Variants in PLD4 observed in about 807,000 individuals in gnomAD.
PLD4 encodes phospholipase D family member 4.
In PLD4, 54 loss-of-function variants were observed where a neutral mutation model predicts 52.3. The ratio of observed to expected loss-of-function variants is 1.03; its 90% CI spans 0.83 to 1.30. PLD4 has a LOEUF of 1.30. Among genes scored for constraint, PLD4 ranks in the 50% most tolerant of loss-of-function variants. The probability of loss-of-function intolerance (pLI) is 0.00; values close to 1 mark genes in which losing one functional copy is unlikely to be tolerated. For missense variants in PLD4, 731 were observed against 671.1 expected, an observed-to-expected ratio of 1.09 and a Z score of -0.99; for synonymous variants, 264 against 286.5, an observed-to-expected ratio of 0.92 and a Z score of 0.79.
downstream of PLD4, chr14:104,937,771 C>A: frequency 8.1e-6 from 3 of 368,336 alleles, no homozygotes; most frequent in Non-Finnish European, 1.5e-5. Flanking sequence ...TAATAAAGAC[C>A]AACAAACTTC....
At position 104,930,943 on chromosome 14, in the gene PLD4, G is replaced by A; in HGVS notation, c.918+1G>A. 5 of 1,612,612 alleles carry A rather than the reference G, an allele frequency of 3.1e-6. No homozygotes were observed. In the East Asian group the frequency reaches 6.7e-5, roughly 22 times the overall value. ...GGTGCCCACCACTGCCTACTTCTCA[G>A]TAAGACGGGTTGAGAAGGAGCCCAT... On this transcript the variant is annotated splice_donor_variant, in intron 7 of 10. Transcript: ENST00000392593. LOFTEE classifies it high-confidence loss of function.
In PLD4 at chr14:104,932,783, A is replaced by G. The variant is rs1486663665; in HGVS notation, c.1340A>G (p.Glu447Gly). The G allele has an allele frequency of 6.3e-7, 1 of 1,589,060 alleles. No individual in the cohort carries two copies. Among genetic ancestry groups the G allele is most frequent in the African/African-American group, 1.3e-5 (1 of 74,376 alleles). The change falls in exon 11 of 11, where the codon GAG (glutamate) becomes GGG (glycine). Residue 447 changes from glutamate (E) to glycine (G), a missense_variant. Physicochemically the swap from Glu to Gly is moderately conservative, Grantham distance 98. Transcript: ENST00000392593. This position sits in a 1 kb window ranked among gnomAD's most constrained non-coding sequence, Gnocchi z 6.5. ...CCCGCAGGCACCTCCAACTGGTCGGAGGATTACTTCAGCAGCACGGCGGGG... is the reference window on the plus strand; with the variant it reads ...CCCGCAGGCACCTCCAACTGGTCGGGGGATTACTTCAGCAGCACGGCGGGG... ...AAYIGTSNWS[E>G]DYFSSTAGVG...
downstream of PLD4, chr14:104,933,355 A>G (rs956443982): frequency 5.9e-6 from 1 of 169,010 alleles, no homozygotes; most frequent in African/African-American, 2.4e-5. Flanking sequence ...CGCCTCAGCT[A>G]GCCCCGGGTC....
chr14:104,930,995 G>C, intron 7 of PLD4, 53 bp downstream of exon 7: 1 of 1,585,032 alleles, frequency 6.3e-7, no homozygotes, highest in Middle Eastern at 1.7e-4. Context: ...CCCCTGGCTG[G>C]CCAGACCCAC....
chr14:104,928,696 G>C (rs1897536067), intron 3 of PLD4, 53 bp from the exon 4 acceptor site: 3 of 1,488,772 alleles, frequency 2.0e-6, no homozygotes, highest in Non-Finnish European at 1.8e-6. Flanking sequence ...GTGATGTGAG[G>C]TGGGCTGGGG....
At chr14:104,930,256 T>G in intron 6 of PLD4, 151 bp downstream of exon 6, 1 of 1,065,384 alleles carries the variant, frequency 9.4e-7, no homozygotes, top group Non-Finnish European at 1.3e-6. Context: ...GAGACTGGTC[T>G]AATAAATGAT....
In PLD4 at chr14:104,929,328, C is replaced by A. The variant is rs372532453; in HGVS notation, c.490C>A (p.Leu164Met). 1.8e-4 allele frequency: 285 copies of A among 1,578,338 alleles called. No individual in the cohort carries two copies. The highest frequency in any genetic ancestry group is 2.4e-4 in the Non-Finnish European group (278 of 1,162,572). The change falls in exon 5 of 11, where the codon CTG becomes ATG. Residue 164 changes from leucine (L) to methionine (M), a missense_variant. Transcript: ENST00000392593. Reference protein sequence around the residue: ...SQLGEALLQKLQQLLGRNISL... With the variant: ...SQLGEALLQKMQQLLGRNISL... ...GCAGGGAGAGGCTCTTCTGCAGAAGCTGCAGCAGCTGCTGGGCAGGAACAT... is the reference window on the plus strand; with the variant it reads ...GCAGGGAGAGGCTCTTCTGCAGAAGATGCAGCAGCTGCTGGGCAGGAACAT...
At chr14:104,929,275 G>C in intron 4 of PLD4, 32 bp from the exon 5 acceptor site, 1 of 1,581,868 alleles carries the variant, frequency 6.3e-7, no homozygotes, top group Admixed American at 1.8e-5. Flanking sequence ...GGCAGCCTGA[G>C]GTCAGCTCTC....
chr14:104,933,462 G>A (rs1897726560), downstream of PLD4: 1 of 152,718 alleles, frequency 6.5e-6, no homozygotes, highest in Non-Finnish European at 1.5e-5. Flanking sequence ...GCCGCGCTCC[G>A]GAACCCAAAT....
Position 104,932,964 on chromosome 14 carries a change from A to AG in PLD4, c.*6dup. ...GCCAGGACTGCGTTTGGCAGGGCTG[A>AG]GGGGGGCCTCTTTTTCTCTCGGCGA... On this transcript the variant is annotated 3_prime_UTR_variant, in exon 11 of 11. Coordinates refer to ENST00000392593, the MANE Select transcript of PLD4 (RefSeq NM_138790.5). The surrounding 1 kb of genome is among the most constrained non-coding windows in gnomAD (Gnocchi z 6.5). 3.8e-6 allele frequency: 6 copies of AG among 1,577,534 alleles called. No individual in the cohort carries two copies. Among genetic ancestry groups the AG allele is most frequent in the East Asian group, 4.6e-5 (2 of 43,286 alleles).
At chr14:104,926,193 G>A (rs1897449891) in intron 1 of PLD4, among the ~76,000 whole-genome samples, 1 of 152,106 alleles carries the variant, frequency 6.6e-6, no homozygotes, top group Non-Finnish European at 1.5e-5. Context: ...AAACCTCGGA[G>A]ACATCCCCAT....
rs777744391 is a variant in PLD4, at chr14:104,927,230, G to A, written c.90G>A (p.Thr30=). 46 of 1,542,770 alleles carry A rather than the reference G, an allele frequency of 3.0e-5. No homozygotes were observed. Among genetic ancestry groups the A allele is most frequent in the South Asian group, 2.2e-4 (18 of 83,440 alleles). The part of the protein sequence containing the change: ...PRRPWDREAG[T]LQVLGALAVL... ...GCCCGTGGGACAGAGAGGCTGGCAC[G>A]GTAGGACTGGGGGGCCCCAGGGGGG... The change falls in exon 2 of 11, where the codon ACG becomes ACA. Residue 30 remains threonine (T), a splice_region_variant and synonymous_variant. Transcript: ENST00000392593.
chr14:104,930,862 CAG>C lies in PLD4; in HGVS notation c.840_841del (p.Asn281LeufsTer16). 1.2e-6 allele frequency: 2 copies of C among 1,613,620 alleles called. No homozygotes were observed. The highest frequency in any genetic ancestry group is 8.5e-7 in the Non-Finnish European group (1 of 1,180,036). ...PKAVLPKTWP[Q>X]NFSSHFNRFQ... is the part of the protein sequence containing the mutation. ...GGCTGTCCTCCCCAAAACCTGGCCTCAGAACTTCTCATCTCACTTCAACCGTT... is the reference window on the plus strand; with the variant it reads ...GGCTGTCCTCCCCAAAACCTGGCCTCAACTTCTCATCTCACTTCAACCGTT... On this transcript the variant is annotated frameshift_variant, in exon 7 of 11. Transcript: ENST00000392593. LOFTEE classifies it high-confidence loss of function.
intron 4 of PLD4, 42 bp from the exon 5 acceptor site, chr14:104,929,265 G>A: frequency 6.3e-7 from 1 of 1,577,564 alleles, no homozygotes; most frequent in Non-Finnish European, 8.6e-7. Context: ...CGGAGGAGAG[G>A]GCAGCCTGAG....
rs748324712 is a variant in PLD4 at position 104,928,774 on chromosome 14, C to T, written c.310C>T (p.Gln104Ter). 1.2e-6 allele frequency: 2 copies of T among 1,601,614 alleles called. No individual in the cohort carries two copies. The highest frequency in any genetic ancestry group is 8.5e-7 in the Non-Finnish European group (1 of 1,172,184). ...CQLVLVESIPQDLPSAAGSPS... is the reference protein window; with the variant it reads ...CQLVLVESIP ...GCTTGTCCTTGTGGAAAGCATCCCCCAGGACCTGCCATCTGCAGCCGGCAG... is the reference window on the plus strand; with the variant it reads ...GCTTGTCCTTGTGGAAAGCATCCCCTAGGACCTGCCATCTGCAGCCGGCAG... Residue 104 changes from glutamine to a stop codon, truncating the protein, a stop_gained, in exon 4 of 11, where the codon CAG becomes TAG. Transcript: ENST00000392593. LOFTEE classifies it high-confidence loss of function.
In PLD4 at chr14:104,930,823, C is replaced by T. The variant is rs754245467; in HGVS notation, c.799C>T (p.Leu267=). ...LEKTFQTYWV[L]GVPKAVLPKT... ...GAAGACCTTCCAGACCTACTGGGTA[C>T]TGGGGGTGCCCAAGGCTGTCCTCCC... The change falls in exon 7 of 11, where the codon CTG becomes TTG. Residue 267 remains leucine, a synonymous_variant. Transcript: ENST00000392593. 2.3e-5 allele frequency: 37 copies of T among 1,613,452 alleles called. No individual in the cohort carries two copies. Among genetic ancestry groups the T allele is most frequent in the Middle Eastern group, 3.3e-4 (2 of 6,084 alleles).
chr14:104,934,136 T>A (rs1247926163), downstream of PLD4: 1 of 150,732 alleles, frequency 6.6e-6, no homozygotes, highest in Non-Finnish European at 1.4e-5. Context: ...GCGTGCGGGC[T>A]GGGGAGACAG....
At chr14:104,925,762 C>T (rs533694933) in intron 1 of PLD4, among the ~76,000 whole-genome samples, 2 of 152,114 alleles carry the variant, frequency 1.3e-5, no homozygotes, top group Non-Finnish European at 2.9e-5. Flanking sequence ...CTGAGGTCTC[C>T]TCTGTGGGGT....
chr14:104,926,051 C>G (rs1467388296), intron 1 of PLD4, among the ~76,000 whole-genome samples: 1 of 152,168 alleles, frequency 6.6e-6, no homozygotes, highest in East Asian at 1.9e-4. Flanking sequence ...GGAGGACAGC[C>G]CAGACGAACC....
Sources: allele counts gnomAD v4.1 joint callset (sites outside exome capture counted in the v4.1 genomes callset), GRCh38; gene constraint gnomAD v4.1.1; non-coding constraint Gnocchi (gnomAD v3.1); transcripts MANE v1.5; gene names NCBI Gene and HGNC (gene_info 2026-07-23, HGNC 2026-07-21).